EHMT1: variants seen among roughly 807,000 people sequenced by gnomAD.
EHMT1 encodes histone-lysine N-methyltransferase EHMT1.
A neutral mutation model predicts 147.2 loss-of-function variants in EHMT1; 15 were observed. The ratio of observed to expected loss-of-function variants is 0.10; its 90% CI spans 0.07 to 0.16. The LOEUF (loss-of-function observed/expected upper bound fraction) is 0.16, where lower values mean the gene tolerates loss of function less well. Ranked by LOEUF, EHMT1 falls within the 10% of genes least tolerant of loss-of-function variation. The pLI is 1.00. For missense variants in EHMT1, 1,587 were observed against 1,772.4 expected, an observed-to-expected ratio of 0.90 and a Z score of 1.88; for synonymous variants, 795 against 709.6, an observed-to-expected ratio of 1.12 and a Z score of -1.91.
chr9:137,715,033 A>G (rs1461241300), intron 2 of EHMT1, among the ~76,000 whole-genome samples: 1 of 152,164 alleles, frequency 6.6e-6, no homozygotes, highest in Admixed American at 6.5e-5. Context: ...TTTTCTAGGT[A>G]ATGTTGATAT....
chr9:137,749,048 C>A (rs1948771667), intron 6 of EHMT1, among the ~76,000 whole-genome samples: 1 of 152,100 alleles, frequency 6.6e-6, no homozygotes, highest in African/African-American at 2.4e-5. Flanking sequence ...AGCCTGGTGT[C>A]CAGAGTTGTG....
chr9:137,645,272 C>T (rs948067193), intron 1 of EHMT1, among the ~76,000 whole-genome samples: 2 of 152,326 alleles, frequency 1.3e-5, no homozygotes, highest in South Asian at 4.1e-4. Context: ...GAGAAAGGGC[C>T]GGAATTGGCT....
At chr9:137,692,653 G>A (rs1041904840) in intron 1 of EHMT1, among the ~76,000 whole-genome samples, 2 of 152,104 alleles carry the variant, frequency 1.3e-5, no homozygotes, top group Non-Finnish European at 2.9e-5. Context: ...TCTTTTAGAC[G>A]TTGATATCTT....
chr9:137,755,145 C>T (rs1335074821), intron 8 of EHMT1, among the ~76,000 whole-genome samples: 1 of 152,172 alleles, frequency 6.6e-6, no homozygotes, highest in African/African-American at 2.4e-5. Flanking sequence ...TTTTAACATG[C>T]TTATGACCTT....
chr9:137,665,827 G>C (rs1001823347), intron 1 of EHMT1: 1 of 152,224 alleles, frequency 6.6e-6, no homozygotes, highest in African/African-American at 2.4e-5. Flanking sequence ...AGCAGCTTCC[G>C]AGGAGGCCTG....
Position 137,780,330 on chromosome 9 carries a change from GAT to G in EHMT1, c.2275+614_2275+615del, listed in dbSNP as rs1434607067. On this transcript the variant is annotated intron_variant, in intron 14 of 26. Transcript: ENST00000460843. ...TGTGTGGTGATGACGGCATCACTGAGATGTGTGGTGATGACGCTGAGACGTGT... is the reference window on the plus strand; with the variant it reads ...TGTGTGGTGATGACGGCATCACTGAGGTGTGGTGATGACGCTGAGACGTGT... 4.2e-4 allele frequency among the ~76,000 whole-genome samples: 58 copies of G among 138,314 alleles called. 1 individual carries two copies. The highest frequency in any genetic ancestry group is 1.5e-3 in the African/African-American group (54 of 34,990). The allele number at this position is 138,314 out of a possible 152,430, so 90.7% of individuals were successfully genotyped here. A position where few individuals can be genotyped will look rare whatever the true frequency, so the allele number is the denominator to read the frequency against.
chr9:137,711,379 GAACTGGATA>G (rs1258509877), intron 2 of EHMT1, among the ~76,000 whole-genome samples: 1 of 152,184 alleles, frequency 6.6e-6, no homozygotes, highest in African/African-American at 2.4e-5. Flanking sequence ...AGTTGATAAG[GAACTGGATA>G]AACAGATCGT....
chr9:137,645,485 CT>C (rs1296354731), intron 1 of EHMT1, among the ~76,000 whole-genome samples: 3 of 152,260 alleles, frequency 2.0e-5, no homozygotes, highest in African/African-American at 7.2e-5. Context: ...CTGCCTTGTA[CT>C]TACAGAAGCC....
At chr9:137,784,479 C>T in intron 15 of EHMT1, 1 of 1,036,788 alleles carries the variant, frequency 9.6e-7, no homozygotes, top group Non-Finnish European at 1.2e-6. Flanking sequence ...TTTCTCTTCT[C>T]TCTGGAAGTT....
chr9:137,729,223 C>T (rs894701501), intron 4 of EHMT1, among the ~76,000 whole-genome samples: 1 of 152,206 alleles, frequency 6.6e-6, no homozygotes, highest in Non-Finnish European at 1.5e-5. Context: ...GTGAATGCTG[C>T]TGCTGCTGGC....
chr9:137,678,544 T>G (rs763387556), intron 1 of EHMT1, among the ~76,000 whole-genome samples: 1 of 152,224 alleles, frequency 6.6e-6, no homozygotes, highest in African/African-American at 2.4e-5. Context: ...CTCGCCGCGT[T>G]GGGATAGCCT....
chr9:137,803,222 C>A, intron 18 of EHMT1: 2 of 1,146,540 alleles, frequency 1.7e-6, no homozygotes, highest in Non-Finnish European at 2.1e-6. Context: ...ATTAATTTAA[C>A]CACTTTATTG....
chr9:137,800,775 G>T (rs981810478), intron 17 of EHMT1, 105 bp from the exon 18 acceptor site: 1 of 943,206 alleles, frequency 1.1e-6, no homozygotes, highest in Admixed American at 1.9e-5. Flanking sequence ...CCTGCACGAG[G>T]GGCATGGTAC....
At chr9:137,728,968 T>A (rs1317905477) in intron 4 of EHMT1, among the ~76,000 whole-genome samples, 2 of 152,194 alleles carry the variant, frequency 1.3e-5, no homozygotes, top group East Asian at 3.9e-4. Context: ...CTCCTCACTC[T>A]CCTGGGCTGG....
chr9:137,761,203 C>T lies in EHMT1; in HGVS notation c.1502-1472C>T, dbSNP rs546810437. Among the ~76,000 whole-genome samples the T allele has an allele frequency of 4.6e-5, 7 of 152,250 alleles. No homozygotes were observed. In the East Asian group the frequency reaches 1.4e-3, roughly 29 times the overall value. ...CCACTGGTTCATGACGCAGTTTCCT[C>T]GTTTGTTCTGTCCCTGCTGGAAAGT... On this transcript the variant is annotated intron_variant, in intron 9 of 26. Coordinates refer to ENST00000460843, the MANE Select transcript of EHMT1 (RefSeq NM_024757.5).
chr9:137,822,750 G>A (rs1039866273), intron 25 of EHMT1, among the ~76,000 whole-genome samples: 14 of 151,982 alleles, frequency 9.2e-5, no homozygotes, highest in East Asian at 2.0e-4. Flanking sequence ...AAAATTAGCC[G>A]GGTGTGGTGG....
At chr9:137,702,423 CTACAGGCTCCA>C (rs1462808705) in intron 1 of EHMT1, among the ~76,000 whole-genome samples, 1 of 152,162 alleles carries the variant, frequency 6.6e-6, no homozygotes, top group African/African-American at 2.4e-5. Context: ...AACAAAGGGG[CTACAGGCTCCA>C]TGTAAGTCTG....
chr9:137,661,485 TC>T (rs1187571942), intron 1 of EHMT1, among the ~76,000 whole-genome samples: 23 of 149,544 alleles, frequency 1.5e-4, no homozygotes, highest in African/African-American at 5.2e-4. Flanking sequence ...TTTTTGTACA[TC>T]TTTTTTTTTT....
At chr9:137,817,814 G>A (rs1290587914) in intron 24 of EHMT1, 2 of 623,572 alleles carry the variant, frequency 3.2e-6, no homozygotes, top group East Asian at 2.7e-5. Flanking sequence ...CATCTCTAGG[G>A]GAGGACCATT....
Sources: allele counts gnomAD v4.1 joint callset (sites outside exome capture counted in the v4.1 genomes callset), GRCh38; gene constraint gnomAD v4.1.1; transcripts MANE v1.5; gene names NCBI Gene and HGNC (gene_info 2026-07-23, HGNC 2026-07-21).